NAALADL2: variants seen among roughly 807,000 people sequenced by gnomAD.
NAALADL2 encodes N-acetylated alpha-linked acidic dipeptidase like 2.
A neutral mutation model predicts 87.2 loss-of-function variants in NAALADL2; 76 were observed. That is an observed-to-expected ratio of 0.87 (90% CI 0.72 to 1.05). The LOEUF (loss-of-function observed/expected upper bound fraction) is 1.05. NAALADL2 is among the 50% of genes least tolerant of loss of function. The pLI is 0.00. For synonymous variants in NAALADL2, 354 were observed against 331.0 expected (o/e 1.07, Z -0.75); for missense variants, 1,089 against 945.8 (o/e 1.15, Z -1.99).
intron 11 of NAALADL2, among the ~76,000 whole-genome samples, chr3:175,648,503 T>TC (rs1042241071): frequency 2.0e-5 from 3 of 151,628 alleles, no homozygotes; most frequent in African/African-American, 7.3e-5. Context: ...TTTTTTTTTT[T>TC]TTTTGCTTTC....
At chr3:175,037,877 C>G (rs1753610846) in intron 1 of NAALADL2, among the ~76,000 whole-genome samples, 1 of 152,050 alleles carries the variant, frequency 6.6e-6, no homozygotes, top group South Asian at 2.1e-4. Context: ...GACAGAGGTA[C>G]TACATCAGAA....
At chr3:174,666,108 A>G (rs1275988936) in intron 2 of NAALADL2, among the ~76,000 whole-genome samples, 2 of 152,122 alleles carry the variant, frequency 1.3e-5, no homozygotes, top group Non-Finnish European at 2.9e-5. Flanking sequence ...GGTATAGTTT[A>G]TTCCATGTCT....
chr3:175,706,502 T>G (rs1165650703), intron 11 of NAALADL2, among the ~76,000 whole-genome samples: 2 of 152,136 alleles, frequency 1.3e-5, no homozygotes, highest in Non-Finnish European at 2.9e-5. Context: ...AATATCATAT[T>G]GTACTGTTCT....
At chr3:174,694,520 G>C (rs901886443) in intron 2 of NAALADL2, among the ~76,000 whole-genome samples, 1 of 151,964 alleles carries the variant, frequency 6.6e-6, no homozygotes, top group African/African-American at 2.4e-5. Flanking sequence ...GAATAAAAAG[G>C]CTTCACTTTG....
At chr3:175,608,968 T>A (rs1160164428) in intron 10 of NAALADL2, among the ~76,000 whole-genome samples, 2 of 149,906 alleles carry the variant, frequency 1.3e-5, no homozygotes, top group African/African-American at 4.9e-5. Context: ...ACCAAAGAGA[T>A]AATCGTCTTG....
At chr3:174,732,439 G>C (rs1732793459) in intron 2 of NAALADL2, among the ~76,000 whole-genome samples, 1 of 152,150 alleles carries the variant, frequency 6.6e-6, no homozygotes, top group Non-Finnish European at 1.5e-5. Context: ...TCCATTATAT[G>C]AAAAGGATTG....
intron 5 of NAALADL2, among the ~76,000 whole-genome samples, chr3:175,444,894 A>G (rs1720441208): frequency 6.6e-6 from 1 of 152,198 alleles, no homozygotes; most frequent in Non-Finnish European, 1.5e-5. Flanking sequence ...AGGCCAAACC[A>G]AATATAATAT....
At chr3:175,779,968 A>AATTTTT (rs1458289959) in intron 13 of NAALADL2, among the ~76,000 whole-genome samples, 18 of 152,082 alleles carry the variant, frequency 1.2e-4, no homozygotes, top group African/African-American at 3.6e-4. Flanking sequence ...AAAAATTTAG[A>AATTTTT]ATTTTTCCAA....
chr3:175,763,630 AAACTG>A (rs1417916071), intron 13 of NAALADL2, among the ~76,000 whole-genome samples: 1 of 152,356 alleles, frequency 6.6e-6, no homozygotes, highest in South Asian at 2.1e-4. Flanking sequence ...TGGGATTTCA[AAACTG>A]CTCCACACAA....
intron 1 of NAALADL2, among the ~76,000 whole-genome samples, chr3:174,450,039 A>G (rs1183590596): frequency 1.3e-5 from 2 of 152,092 alleles, no homozygotes; most frequent in South Asian, 2.1e-4. Context: ...ACACACACAC[A>G]CACACACATA....
chr3:174,607,132 C>T (rs1719171841), intron 2 of NAALADL2, among the ~76,000 whole-genome samples: 1 of 151,782 alleles, frequency 6.6e-6, no homozygotes, highest in Non-Finnish European at 1.5e-5. Context: ...ATTTTGTCAC[C>T]ACCAGGCCTG....
chr3:175,507,892 G>T (rs1730574146), intron 9 of NAALADL2, among the ~76,000 whole-genome samples: 1 of 152,016 alleles, frequency 6.6e-6, no homozygotes, highest in Non-Finnish European at 1.5e-5. Context: ...GGTTGTTCTT[G>T]CATTGATATA....
intron 2 of NAALADL2, among the ~76,000 whole-genome samples, chr3:174,700,057 G>C (rs915572659): frequency 1.3e-5 from 2 of 151,322 alleles, no homozygotes; most frequent in Admixed American, 6.6e-5. Flanking sequence ...CTTACTTGTT[G>C]GTTTATTTGG....
chr3:175,581,037 A>C (rs996566640), intron 10 of NAALADL2: 1 of 190,290 alleles, frequency 5.3e-6, no homozygotes, highest in Non-Finnish European at 1.1e-5. Flanking sequence ...AATATAAATA[A>C]ATCTAATACA....
At chr3:175,176,351 G>A (rs1735688825) in intron 2 of NAALADL2, among the ~76,000 whole-genome samples, 1 of 152,044 alleles carries the variant, frequency 6.6e-6, no homozygotes, top group African/African-American at 2.4e-5. Flanking sequence ...TGATAGTTCT[G>A]TGAATCTTGG....
At chr3:175,794,066 G>C (rs1451033797) in intron 13 of NAALADL2, among the ~76,000 whole-genome samples, 1 of 152,138 alleles carries the variant, frequency 6.6e-6, no homozygotes, top group Non-Finnish European at 1.5e-5. Context: ...GACCATTACT[G>C]TTTGCCAGAG....
chr3:175,787,456 A>G (rs901178975), intron 13 of NAALADL2, among the ~76,000 whole-genome samples: 6 of 152,120 alleles, frequency 3.9e-5, no homozygotes, highest in East Asian at 3.9e-4. Flanking sequence ...CAATATTCGG[A>G]TGGGAGTGAC....
chr3:174,561,289 G>A lies in NAALADL2; in HGVS notation c.-115+10652G>A, dbSNP rs1328969341. On this transcript the variant is annotated intron_variant, in intron 2 of 3. Coordinates refer to the NAALADL2 transcript ENST00000434257. ...ATCTTGGCTCACTGCAACCTCTGACGCCCTGGTTCAAGCTATTCTCCTATC... is the reference window on the plus strand; with the variant it reads ...ATCTTGGCTCACTGCAACCTCTGACACCCTGGTTCAAGCTATTCTCCTATC... Among the ~76,000 whole-genome samples, 4 of 148,152 alleles carry A rather than the reference G, an allele frequency of 2.7e-5. No homozygotes were observed. The South Asian group carries it at 8.6e-4, about 32-fold the overall frequency.
chr3:174,883,542 A>G (rs1340883434), intron 1 of NAALADL2, among the ~76,000 whole-genome samples: 1 of 152,196 alleles, frequency 6.6e-6, no homozygotes, highest in African/African-American at 2.4e-5. Context: ...CTTATGTCAC[A>G]TGATAATGGA....
Sources: gnomAD v4.1 joint callset for allele counts (sites outside exome capture counted in the v4.1 genomes callset) on GRCh38, gnomAD v4.1.1 for gene constraint, MANE v1.5 for transcripts, NCBI Gene and HGNC (gene_info 2026-07-23, HGNC 2026-07-21) for gene names.